PPM1L: variants seen among roughly 807,000 people sequenced by gnomAD.
The protein encoded by PPM1L is protein phosphatase, Mg2+/Mn2+ dependent 1L, also known as protein phosphatase 1L.
In PPM1L, 13 loss-of-function variants were observed where a neutral mutation model predicts 31.4. The ratio of observed to expected loss-of-function variants is 0.41; its 90% confidence interval spans 0.27 to 0.66. The LOEUF (loss-of-function observed/expected upper bound fraction) is 0.66. Among genes scored for constraint, PPM1L ranks in the 30% least tolerant of loss-of-function variants. The pLI is 0.29. For synonymous variants in PPM1L, 184 were observed against 175.4 expected (o/e 1.05, Z -0.39); for missense variants, 326 against 453.7 (o/e 0.72, Z 2.56).
intron 1 of PPM1L, among the ~76,000 whole-genome samples, chr3:160,940,553 C>T (rs1715132908): frequency 6.6e-6 from 1 of 152,218 alleles, no homozygotes. Context: ...GGCCAATGTA[C>T]AGCTCGGGCT....
At chr3:160,911,923 C>A (rs746905844) in intron 1 of PPM1L, among the ~76,000 whole-genome samples, 2 of 152,028 alleles carry the variant, frequency 1.3e-5, no homozygotes, top group African/African-American at 2.4e-5. Context: ...GAGTGTTGAA[C>A]CCTGAGAGTA....
At chr3:160,831,653 T>C in intron 1 of PPM1L, among the ~76,000 whole-genome samples, 1 of 152,260 alleles carries the variant, frequency 6.6e-6, no homozygotes, top group Admixed American at 6.5e-5. Context: ...CACCGAATAA[T>C]CTGTTAGGCC....
chr3:161,046,490 A>G (rs546082735), intron 2 of PPM1L, among the ~76,000 whole-genome samples: 2 of 152,346 alleles, frequency 1.3e-5, no homozygotes, highest in East Asian at 3.9e-4. Context: ...ACGGATTCAC[A>G]GCCGAATTCT....
intron 1 of PPM1L, among the ~76,000 whole-genome samples, chr3:160,875,087 C>G (rs963060119): frequency 6.6e-6 from 1 of 152,098 alleles, no homozygotes; most frequent in Non-Finnish European, 1.5e-5. Context: ...ATTCATTTTG[C>G]ATATATTATA....
intron 1 of PPM1L, among the ~76,000 whole-genome samples, chr3:160,798,849 A>G (rs1712341068): frequency 6.6e-6 from 1 of 152,218 alleles, no homozygotes; most frequent in South Asian, 2.1e-4. Flanking sequence ...GCACATTGAA[A>G]AACTTCTGGA....
chr3:160,834,349 CTTGT>C (rs1361264248), intron 1 of PPM1L, among the ~76,000 whole-genome samples: 1 of 151,912 alleles, frequency 6.6e-6, no homozygotes, highest in Non-Finnish European at 1.5e-5. Context: ...TTCCCCATTG[CTTGT>C]TTTTGTCAGG....
At chr3:160,960,561 TGTGTGTG>T (rs1559904359) in intron 1 of PPM1L, among the ~76,000 whole-genome samples, 5 of 8,950 alleles carry the variant, frequency 5.6e-4, no homozygotes, top group Non-Finnish European at 6.2e-3. Flanking sequence ...AGCAGTTTTG[TGTGTGTG>T]TGTGTGTGTG....
intron 1 of PPM1L, among the ~76,000 whole-genome samples, chr3:160,812,123 A>T (rs1256843263): frequency 1.3e-5 from 2 of 152,218 alleles, no homozygotes; most frequent in Admixed American, 6.5e-5. Context: ...AGCTGCCTAA[A>T]GATGTTCATG....
intron 1 of PPM1L, among the ~76,000 whole-genome samples, chr3:160,844,843 A>G (rs1714024266): frequency 6.6e-6 from 1 of 152,250 alleles, no homozygotes; most frequent in East Asian, 1.9e-4. Flanking sequence ...GATAAGTTTT[A>G]GAACATTTTC....
chr3:160,916,169 G>A (rs547769624), intron 1 of PPM1L, among the ~76,000 whole-genome samples: 1 of 152,090 alleles, frequency 6.6e-6, no homozygotes, highest in South Asian at 2.1e-4. Flanking sequence ...ATCTGACAAA[G>A]GGCTAATATC....
intron 2 of PPM1L, among the ~76,000 whole-genome samples, chr3:161,021,159 C>T (rs1050722035): frequency 6.6e-6 from 1 of 151,726 alleles, no homozygotes; most frequent in African/African-American, 2.4e-5. Context: ...TGAGAGCTTT[C>T]TTCTTTAATA....
At chr3:160,817,478 T>G (rs1373170740) in intron 1 of PPM1L, among the ~76,000 whole-genome samples, 1 of 152,112 alleles carries the variant, frequency 6.6e-6, no homozygotes, top group East Asian at 1.9e-4. Flanking sequence ...TGTATATGAT[T>G]ACCAACATCT....
At chr3:160,822,029 A>G (rs1713216620) in intron 1 of PPM1L, among the ~76,000 whole-genome samples, 1 of 152,070 alleles carries the variant, frequency 6.6e-6, no homozygotes, top group Non-Finnish European at 1.5e-5. Flanking sequence ...TTCACGCTAT[A>G]CCATATACCC....
At chr3:160,784,268 A>G (rs6766594) in intron 1 of PPM1L, among the ~76,000 whole-genome samples, 10 of 152,324 alleles carry the variant, frequency 6.6e-5, no homozygotes, top group African/African-American at 2.4e-4. Context: ...AAAATGGTTT[A>G]ATACTGTTCT....
intron 2 of PPM1L, among the ~76,000 whole-genome samples, chr3:161,006,971 C>T (rs578053721): frequency 3.1e-4 from 47 of 152,282 alleles, no homozygotes; most frequent in African/African-American, 7.7e-4. Context: ...CGTGAGCCAC[C>T]GCGCCCGGCC....
At chr3:161,017,374 G>A (rs973769682) in intron 2 of PPM1L, among the ~76,000 whole-genome samples, 2 of 152,184 alleles carry the variant, frequency 1.3e-5, no homozygotes, top group Non-Finnish European at 2.9e-5. Flanking sequence ...CAATTATGGA[G>A]TCTGAGCATC....
At chr3:160,841,799 A>G (rs1272732228) in intron 1 of PPM1L, among the ~76,000 whole-genome samples, 1 of 152,182 alleles carries the variant, frequency 6.6e-6, no homozygotes. Flanking sequence ...AAAGAGACTA[A>G]AGATACTTTT....
intron 1 of PPM1L, among the ~76,000 whole-genome samples, chr3:160,780,835 A>G (rs1017154043): frequency 6.6e-6 from 1 of 152,172 alleles, no homozygotes; most frequent in South Asian, 2.1e-4. Context: ...TAGGGCACAC[A>G]TGGTTCAGTT....
At chr3:160,770,888 G>T (rs553836871) in intron 1 of PPM1L, among the ~76,000 whole-genome samples, 1 of 152,268 alleles carries the variant, frequency 6.6e-6, no homozygotes, top group East Asian at 1.9e-4. Context: ...AATAGTGGCT[G>T]CTTGCGGAGG....
Sources: allele counts gnomAD v4.1 joint callset (sites outside exome capture counted in the v4.1 genomes callset), GRCh38; gene constraint gnomAD v4.1.1; transcripts MANE v1.5; gene names NCBI Gene and HGNC (gene_info 2026-07-23, HGNC 2026-07-21).